Variants in LEPR observed in about 807,000 individuals in gnomAD.
The protein encoded by LEPR is OB receptor.
In LEPR, 56 loss-of-function variants were observed where a neutral mutation model predicts 114.7. That is an observed-to-expected ratio of 0.49 (90% CI 0.39 to 0.61). The LOEUF (loss-of-function observed/expected upper bound fraction) is 0.61, where lower values mean the gene tolerates loss of function less well. Ranked by LOEUF, LEPR falls within the 20% of genes least tolerant of loss-of-function variation. LEPR has a pLI of 0.00. For synonymous variants in LEPR, 443 were observed against 461.4 expected (o/e 0.96, Z 0.51); for missense variants, 1,202 against 1,352.9 (o/e 0.89, Z 1.75).
intron 5 of LEPR, chr1:65,578,407 A>G (rs1654748802): frequency 4.6e-6 from 1 of 217,094 alleles, no homozygotes; most frequent in Admixed American, 4.1e-5. Context: ...CTAATGGGCC[A>G]TTTTCAATTT....
At chr1:65,512,176 C>T (rs945716287) in intron 2 of LEPR, among the ~76,000 whole-genome samples, 10 of 152,012 alleles carry the variant, frequency 6.6e-5, no homozygotes, top group African/African-American at 2.4e-4. Flanking sequence ...GAGAGATTTG[C>T]CCCCATGACC....
intron 2 of LEPR, among the ~76,000 whole-genome samples, chr1:65,514,786 A>G (rs1253689528): frequency 6.6e-6 from 1 of 152,254 alleles, no homozygotes; most frequent in African/African-American, 2.4e-5. Context: ...CAAATGGGAA[A>G]CAGTAAAATT....
At chr1:65,545,053 G>A (rs1375022408) in intron 2 of LEPR, among the ~76,000 whole-genome samples, 11 of 149,854 alleles carry the variant, frequency 7.3e-5, no homozygotes, top group East Asian at 2.0e-4. Context: ...GAGAATATGC[G>A]GTGTTTGGTT....
chr1:65,499,924 G>T lies in LEPR; in HGVS notation c.-20-65622G>T, dbSNP rs149104891. Among the ~76,000 whole-genome samples, 7 of 152,080 alleles carry T rather than the reference G, an allele frequency of 4.6e-5. No homozygotes were observed. In the East Asian group the frequency reaches 1.4e-3, roughly 29 times the overall value. Reference sequence around the variant, plus strand: ...CCATGTTCTGACCCTGACCTAGTTGGGCTGTGTCCCCCTCCAACTCTCATG... The same window carrying T: ...CCATGTTCTGACCCTGACCTAGTTGTGCTGTGTCCCCCTCCAACTCTCATG... On this transcript the variant is annotated intron_variant, in intron 2 of 19. Transcript: ENST00000349533.
At chr1:65,547,912 T>C (rs1291399216) in intron 2 of LEPR, among the ~76,000 whole-genome samples, 4 of 147,406 alleles carry the variant, frequency 2.7e-5, no homozygotes, top group Non-Finnish European at 6.0e-5. Context: ...GGTGTCAATT[T>C]TGGATCTTTC....
intron 2 of LEPR, among the ~76,000 whole-genome samples, chr1:65,430,802 A>G (rs1042463537): frequency 6.6e-6 from 1 of 151,806 alleles, no homozygotes; most frequent in Non-Finnish European, 1.5e-5. Context: ...CTGGGTAAGT[A>G]TACTATAAGT....
In LEPR at chr1:65,636,521, C is replaced by T. The variant is rs1240743737; in HGVS notation, c.3004C>T (p.Gln1002Ter). Residue 1002 changes from glutamine (Q) to a stop codon, truncating the protein, a stop_gained, in exon 20 of 20, where the codon CAA (glutamine) becomes TAA (stop). Coordinates refer to ENST00000349533, the MANE Select transcript of LEPR (RefSeq NM_002303.6). LOFTEE classifies it low-confidence loss of function (END_TRUNC). ...NSKPSETGEE[Q>*]GLINSSVTKC... ...TAAACCAAGTGAAACTGGTGAAGAA[C>T]AAGGGCTTATAAATAGTTCAGTCAC... 3 of 1,614,070 alleles carry T rather than the reference C, an allele frequency of 1.9e-6. No homozygotes were observed. Among genetic ancestry groups the T allele is most frequent in the Non-Finnish European group, 1.7e-6 (2 of 1,179,996 alleles).
At chr1:65,566,677 T>C (rs751291541) in intron 3 of LEPR, among the ~76,000 whole-genome samples, 1 of 152,236 alleles carries the variant, frequency 6.6e-6, no homozygotes, top group Non-Finnish European at 1.5e-5. Context: ...TTATCTAGCT[T>C]TCTTTAACAA....
At chr1:65,604,289 T>C (rs1378700818) in intron 10 of LEPR, among the ~76,000 whole-genome samples, 1 of 152,152 alleles carries the variant, frequency 6.6e-6, no homozygotes, top group Non-Finnish European at 1.5e-5. Context: ...AATAAGAATG[T>C]CTTTTTTTAG....
chr1:65,595,048 A>G (rs1476140837), intron 6 of LEPR, among the ~76,000 whole-genome samples: 1 of 152,064 alleles, frequency 6.6e-6, no homozygotes, highest in Non-Finnish European at 1.5e-5. Flanking sequence ...CTAGACATGC[A>G]TGCTATGGAA....
chr1:65,553,463 T>C (rs1370680922), intron 2 of LEPR, among the ~76,000 whole-genome samples: 1 of 152,134 alleles, frequency 6.6e-6, no homozygotes, highest in African/African-American at 2.4e-5. Context: ...TTTCATTAAG[T>C]TGATCTTCAA....
At chr1:65,466,601 G>T (rs141492516) in intron 2 of LEPR, among the ~76,000 whole-genome samples, 11,311 of 152,182 alleles carry the variant, frequency 0.074, 1,438 homozygotes, top group African/African-American at 0.26. Flanking sequence ...AGTTCTCCTA[G>T]ATAATATCCT....
intron 2 of LEPR, among the ~76,000 whole-genome samples, chr1:65,522,321 TTTTCCAGGTTTACTTGGAAAATAG>T (rs1387190327): frequency 6.6e-6 from 1 of 152,176 alleles, no homozygotes; most frequent in African/African-American, 2.4e-5. Flanking sequence ...ATATCCCCCA[TTTTCCAGGTTTACTTGGAAAATAG>T]TTTCCAGGTT....
chr1:65,610,553 C>A (rs768907872), intron 14 of LEPR, among the ~76,000 whole-genome samples: 24 of 152,168 alleles, frequency 1.6e-4, no homozygotes, highest in Non-Finnish European at 2.9e-4. Flanking sequence ...TACTTAGACT[C>A]TTTGGGCCTC....
chr1:65,626,420 A>G, intron 19 of LEPR: 1 of 658,760 alleles, frequency 1.5e-6, no homozygotes, highest in South Asian at 7.0e-5. Context: ...CTTATAAATT[A>G]TTTTTTAAGC....
At chr1:65,486,297 A>G (rs1205119093) in intron 2 of LEPR, 1 of 152,156 alleles carries the variant, frequency 6.6e-6, no homozygotes, top group Admixed American at 6.6e-5. Flanking sequence ...GTGCTCCATT[A>G]TAACCATAGC....
At position 65,485,581 on chromosome 1, in the gene LEPR, C is replaced by A. The variant is rs186412992; in HGVS notation, c.-21+60203C>A. On this transcript the variant is annotated intron_variant, in intron 2 of 19. Coordinates refer to ENST00000349533, the MANE Select transcript of LEPR (RefSeq NM_002303.6). ...GATCTTCAAGGTTGCTTACATAAAT[C>A]TTTTCTTGTTGTCACATGCAGACAC... Among the ~76,000 whole-genome samples, 138 of 152,202 alleles carry A rather than the reference C, an allele frequency of 9.1e-4. 1 individual carries two copies. The highest frequency in any genetic ancestry group is 3.2e-3 in the African/African-American group (134 of 41,532).
chr1:65,460,472 G>C lies in LEPR; in HGVS notation c.-21+35094G>C, dbSNP rs572085140. Among the ~76,000 whole-genome samples, 4 of 152,238 alleles carry C rather than the reference G, an allele frequency of 2.6e-5. No individual in the cohort carries two copies. In the South Asian group the frequency reaches 8.3e-4, roughly 32 times the overall value. On this transcript the variant is annotated intron_variant, in intron 2 of 19. Transcript: ENST00000349533. ...CTTTCTATGGATCTGGCTCTCTACT[G>C]TGTGTGCATAGATACAGATCCATGT...
intron 2 of LEPR, among the ~76,000 whole-genome samples, chr1:65,555,889 G>A (rs1195873719): frequency 6.6e-6 from 1 of 152,170 alleles, no homozygotes; most frequent in Non-Finnish European, 1.5e-5. Flanking sequence ...TCCATGTCAT[G>A]TGAGGATGTC....
Sources: allele counts gnomAD v4.1 joint callset (sites outside exome capture counted in the v4.1 genomes callset), GRCh38; gene constraint gnomAD v4.1.1; transcripts MANE v1.5; gene names NCBI Gene and HGNC (gene_info 2026-07-23, HGNC 2026-07-21).